The following MAGI1 variants were observed in gnomAD, a reference collection of about 807,000 sequenced individuals.
MAGI1 encodes membrane-associated guanylate kinase, WW and PDZ domain-containing protein 1.
MAGI1 carries 58 observed loss-of-function variants against 139.9 expected under a neutral mutation model. The observed-to-expected ratio is 0.41, with a 90% CI of 0.34 to 0.52. The LOEUF is 0.52. Ranked by LOEUF, MAGI1 falls within the 20% of genes least tolerant of loss-of-function variation. The pLI is 0.12. For synonymous variants in MAGI1, 812 were observed against 737.9 expected (o/e 1.10, Z -1.63); for missense variants, 1,874 against 1,901.6 (o/e 0.99, Z 0.27).
chr3:65,468,493 A>G (rs1403947774), intron 5 of MAGI1, among the ~76,000 whole-genome samples: 2 of 144,228 alleles, frequency 1.4e-5, no homozygotes, highest in Non-Finnish European at 3.0e-5. Flanking sequence ...CTCTTGCCTC[A>G]GCCTCTCAAG....
At chr3:65,736,870 C>G (rs1291765035) in intron 1 of MAGI1, among the ~76,000 whole-genome samples, 1 of 152,216 alleles carries the variant, frequency 6.6e-6, no homozygotes, top group African/African-American at 2.4e-5. Flanking sequence ...ATCTCTTAAC[C>G]CAGTCAAGAT....
chr3:65,658,501 A>G (rs956072781), intron 1 of MAGI1, among the ~76,000 whole-genome samples: 7 of 152,222 alleles, frequency 4.6e-5, no homozygotes, highest in African/African-American at 1.7e-4. Context: ...TGACTGAACA[A>G]CTGAATTCTT....
At chr3:65,450,263 T>A (rs373797249) in intron 6 of MAGI1, among the ~76,000 whole-genome samples, 3 of 152,042 alleles carry the variant, frequency 2.0e-5, no homozygotes, top group African/African-American at 7.2e-5. Flanking sequence ...AGCGATAACA[T>A]CATCACATTT....
At position 65,530,770 on chromosome 3, in the gene MAGI1, T is replaced by C. The variant is rs1360222284; in HGVS notation, c.431-37139A>G. On this transcript the variant is annotated intron_variant, in intron 2 of 22. Coordinates refer to ENST00000402939, the MANE Select transcript of MAGI1 (RefSeq NM_001033057.2). ...ATATATATACACGTATATATATATA[T>C]ATACACACATATATATACACGTATA... Among the ~76,000 whole-genome samples the C allele has an allele frequency of 2.4e-3, 19 of 7,804 alleles. 1 individual carries two copies. The highest frequency in any genetic ancestry group is 0.045 in the Middle Eastern group (1 of 22). The allele number at this position is 7,804 out of a possible 152,430, so 5.1% of individuals were successfully genotyped here.
At chr3:65,656,805 T>C (rs1469493518) in intron 1 of MAGI1, among the ~76,000 whole-genome samples, 3 of 151,488 alleles carry the variant, frequency 2.0e-5, no homozygotes, top group Non-Finnish European at 4.4e-5. Flanking sequence ...CGAGACCAGC[T>C]TGGCCAACAT....
At chr3:65,509,845 G>C (rs924957666) in intron 2 of MAGI1, among the ~76,000 whole-genome samples, 1 of 152,102 alleles carries the variant, frequency 6.6e-6, no homozygotes, top group African/African-American at 2.4e-5. Flanking sequence ...TCCACCTCTG[G>C]GGGCAGGGCA....
At chr3:65,697,874 G>C (rs1421479395) in intron 1 of MAGI1, among the ~76,000 whole-genome samples, 4 of 68,700 alleles carry the variant, frequency 5.8e-5, no homozygotes, top group Admixed American at 1.3e-4. Context: ...GTTCTGGCCA[G>C]GGCAATTAGG....
At chr3:65,426,133 C>T (rs944859838) in intron 12 of MAGI1, among the ~76,000 whole-genome samples, 2 of 152,000 alleles carry the variant, frequency 1.3e-5, no homozygotes, top group African/African-American at 4.8e-5. Flanking sequence ...CCTGAGTGAT[C>T]GACTGGCAAG....
At chr3:65,596,436 A>G (rs944058612) in intron 2 of MAGI1, among the ~76,000 whole-genome samples, 5 of 152,248 alleles carry the variant, frequency 3.3e-5, no homozygotes, top group Non-Finnish European at 7.3e-5. Context: ...GCACACACTC[A>G]TAAGTAGTCT....
chr3:65,743,722 A>G (rs2035465101), intron 1 of MAGI1, among the ~76,000 whole-genome samples: 1 of 151,992 alleles, frequency 6.6e-6, no homozygotes, highest in South Asian at 2.1e-4. Flanking sequence ...AAAAAAAAAA[A>G]GTCTAAAAGA....
chr3:65,708,024 A>G (rs532370275), intron 1 of MAGI1, among the ~76,000 whole-genome samples: 2 of 152,318 alleles, frequency 1.3e-5, no homozygotes, highest in African/African-American at 2.4e-5. Context: ...CTCACCATCA[A>G]AAAGTATGGA....
At chr3:65,693,326 C>T (rs1264323073) in intron 1 of MAGI1, among the ~76,000 whole-genome samples, 1 of 152,148 alleles carries the variant, frequency 6.6e-6, no homozygotes, top group Non-Finnish European at 1.5e-5. Context: ...AAGACAGAGG[C>T]TAAAACTTGA....
Position 65,610,784 on chromosome 3 carries a change from TAG to T in MAGI1, c.430+11186_430+11187del, listed in dbSNP as rs1231088881. On this transcript the variant is annotated intron_variant, in intron 2 of 22. Transcript: ENST00000402939. ...ATATAGCATATATATATACTGTATATAGTATATATAGTATATATAGGTATATA... is the reference window on the plus strand; with the variant it reads ...ATATAGCATATATATATACTGTATATTATATATAGTATATATAGGTATATA... 2.1e-5 allele frequency among the ~76,000 whole-genome samples: 3 copies of T among 140,994 alleles called. No homozygotes were observed. The Admixed American group carries it at 2.2e-4, about 10-fold the overall frequency. The allele number at this position is 140,994 out of a possible 152,430, so 92.5% of individuals were successfully genotyped here.
intron 1 of MAGI1, among the ~76,000 whole-genome samples, chr3:65,732,373 G>T (rs957283245): frequency 6.6e-6 from 1 of 152,204 alleles, no homozygotes; most frequent in Non-Finnish European, 1.5e-5. Flanking sequence ...AGTAACTAGT[G>T]AAGAGTACAA....
At chr3:65,810,483 G>C (rs76808456) in intron 1 of MAGI1, among the ~76,000 whole-genome samples, 4,408 of 152,348 alleles carry the variant, frequency 0.029, 87 homozygotes, top group Middle Eastern at 0.041. Flanking sequence ...ACACAAGTCA[G>C]AAACTGCTCC....
intron 1 of MAGI1, among the ~76,000 whole-genome samples, chr3:66,023,909 T>C (rs2068092607): frequency 6.6e-6 from 1 of 152,130 alleles, no homozygotes. Flanking sequence ...TGGGACAAAA[T>C]ATTCCAAGAA....
chr3:65,829,371 A>C lies in MAGI1; in HGVS notation c.314-207283T>G, dbSNP rs115138307. Among the ~76,000 whole-genome samples, 1,262 of 152,274 alleles carry C rather than the reference A, an allele frequency of 8.3e-3. 20 individuals carry two copies. Among genetic ancestry groups the C allele is most frequent in the African/African-American group, 0.028 (1,169 of 41,558 alleles). On this transcript the variant is annotated intron_variant, in intron 1 of 22. Coordinates refer to ENST00000402939, the MANE Select transcript of MAGI1 (RefSeq NM_001033057.2). ...TAATACCCAGTGTGATAGTATCAAG[A>C]AGTGGGGCCTCTGGGAAGAGATGAG...
chr3:66,032,861 G>A (rs1238685570), intron 1 of MAGI1, among the ~76,000 whole-genome samples: 1 of 145,436 alleles, frequency 6.9e-6, no homozygotes, highest in Non-Finnish European at 1.5e-5. Context: ...GTTGCAGTGA[G>A]CCGAGATCGC....
intron 2 of MAGI1, among the ~76,000 whole-genome samples, chr3:65,606,181 G>T (rs1190628087): frequency 1.3e-5 from 2 of 152,090 alleles, no homozygotes; most frequent in Non-Finnish European, 2.9e-5. Flanking sequence ...CCTCGGGTAG[G>T]AACTTATCCA....
Sources: gnomAD v4.1 joint callset for allele counts (sites outside exome capture counted in the v4.1 genomes callset) on GRCh38, gnomAD v4.1.1 for gene constraint, MANE v1.5 for transcripts, NCBI Gene and HGNC (gene_info 2026-07-23, HGNC 2026-07-21) for gene names.